Variants in ALK observed in about 807,000 individuals in gnomAD.
The protein encoded by ALK is ALK tyrosine kinase receptor.
A neutral mutation model predicts 163.1 loss-of-function variants in ALK; 74 were observed. That is an observed-to-expected ratio of 0.45 (90% confidence interval 0.38 to 0.55). ALK has a LOEUF of 0.55. Ranked by LOEUF, ALK falls within the 20% of genes least tolerant of loss-of-function variation. ALK has a pLI of 0.00. For synonymous variants in ALK, 960 were observed against 843.2 expected (o/e 1.14, Z -2.40); for missense variants, 2,063 against 2,105.3 (o/e 0.98, Z 0.39).
intron 4 of ALK, among the ~76,000 whole-genome samples, chr2:29,530,279 T>G (rs1270599411): frequency 6.6e-6 from 1 of 152,210 alleles, no homozygotes; most frequent in Non-Finnish European, 1.5e-5. Flanking sequence ...AAAAACTATT[T>G]GCAAGGCCCT....
intron 9 of ALK, among the ~76,000 whole-genome samples, chr2:29,291,150 G>C (rs1226149108): frequency 6.6e-6 from 1 of 152,088 alleles, no homozygotes; most frequent in Admixed American, 6.5e-5. Flanking sequence ...ATCACTTGAG[G>C]CCAGGAGTTC....
rs553205744 is a variant in ALK, at chr2:29,555,076, T to G, written c.953-22960A>C. ...GCAGCCCTCAGGGCTGCTCTGTCTA[T>G]GGAGTAACCATTCTTTTATTCTTCT... On this transcript the variant is annotated intron_variant, in intron 3 of 28. Transcript: ENST00000389048. Among the ~76,000 whole-genome samples, 955 of 152,312 alleles carry G rather than the reference T, an allele frequency of 6.3e-3. 9 individuals carry two copies. The highest frequency in any genetic ancestry group is 0.021 in the African/African-American group (861 of 41,568).
At chr2:29,237,723 G>T (rs1276198509) in intron 13 of ALK, among the ~76,000 whole-genome samples, 1 of 152,180 alleles carries the variant, frequency 6.6e-6, no homozygotes, top group East Asian at 1.9e-4. Flanking sequence ...TATTTGCCTT[G>T]CAGGGGATGG....
intron 3 of ALK, among the ~76,000 whole-genome samples, chr2:29,532,927 A>T (rs1455386370): frequency 6.6e-6 from 1 of 152,350 alleles, no homozygotes; most frequent in Non-Finnish European, 1.5e-5. Context: ...ATGAGTACTC[A>T]GTCTTCTTAA....
At chr2:29,354,933 A>AT (rs1183612382) in intron 5 of ALK, among the ~76,000 whole-genome samples, 3 of 151,848 alleles carry the variant, frequency 2.0e-5, no homozygotes, top group Admixed American at 2.0e-4. Context: ...CGCCTGGCTA[A>AT]TTTTTTGTAT....
At chr2:29,578,391 G>A (rs573266760) in intron 3 of ALK, among the ~76,000 whole-genome samples, 1 of 152,336 alleles carries the variant, frequency 6.6e-6, no homozygotes, top group African/African-American at 2.4e-5. Context: ...AGCTCAGGGA[G>A]AGGTTGCAGG....
intron 5 of ALK, among the ~76,000 whole-genome samples, chr2:29,341,683 G>A (rs1667796482): frequency 6.6e-6 from 1 of 152,204 alleles, no homozygotes; most frequent in African/African-American, 2.4e-5. Flanking sequence ...CTCCAACCTA[G>A]CAGTGTGCAG....
chr2:29,829,013 T>C (rs898137386), intron 1 of ALK, among the ~76,000 whole-genome samples: 6 of 151,552 alleles, frequency 4.0e-5, no homozygotes, highest in South Asian at 2.1e-4. Context: ...ATGTCCTTTG[T>C]AGGGGCATGG....
At chr2:29,914,206 C>T (rs1413835905) in intron 1 of ALK, among the ~76,000 whole-genome samples, 1 of 152,208 alleles carries the variant, frequency 6.6e-6, no homozygotes, top group Non-Finnish European at 1.5e-5. Flanking sequence ...TCCTCCTTTC[C>T]ATGCATATTT....
chr2:29,318,263 G>T, intron 8 of ALK, 41 bp downstream of exon 8: 2 of 1,508,718 alleles, frequency 1.3e-6, no homozygotes, highest in Non-Finnish European at 1.8e-6. Flanking sequence ...GACAAGAGGT[G>T]GGAGGAGAAA....
At chr2:29,436,621 G>GT (rs1202682370) in intron 4 of ALK, among the ~76,000 whole-genome samples, 4 of 152,152 alleles carry the variant, frequency 2.6e-5, no homozygotes, top group Admixed American at 2.0e-4. Context: ...ACAGAGGCCA[G>GT]TTTTTTTGCT....
chr2:29,392,890 T>G (rs965788136), intron 4 of ALK, among the ~76,000 whole-genome samples: 2 of 152,172 alleles, frequency 1.3e-5, no homozygotes, highest in Non-Finnish European at 2.9e-5. Flanking sequence ...GGTTACTGAG[T>G]GTTAAAGGTC....
At chr2:29,501,958 A>G (rs1305272866) in intron 4 of ALK, among the ~76,000 whole-genome samples, 1 of 152,194 alleles carries the variant, frequency 6.6e-6, no homozygotes, top group Non-Finnish European at 1.5e-5. Flanking sequence ...TCTGGTTAGC[A>G]TAATGTCTTC....
chr2:29,781,470 A>C (rs1681329824), intron 1 of ALK, among the ~76,000 whole-genome samples: 2 of 152,268 alleles, frequency 1.3e-5, no homozygotes, highest in Admixed American at 1.3e-4. Context: ...CAGGAAGGAG[A>C]GAGAACATGC....
At chr2:29,558,958 G>T (rs1673938609) in intron 3 of ALK, among the ~76,000 whole-genome samples, 1 of 152,026 alleles carries the variant, frequency 6.6e-6, no homozygotes, top group Admixed American at 6.6e-5. Context: ...AATTTAAGAG[G>T]GTAGACTATA....
chr2:29,728,973 GC>G (rs1679656354), intron 1 of ALK, among the ~76,000 whole-genome samples: 1 of 152,138 alleles, frequency 6.6e-6, no homozygotes, highest in Non-Finnish European at 1.5e-5. Flanking sequence ...AACCTAGAAG[GC>G]CATCTAAAAC....
In ALK at chr2:29,442,283, G is replaced by A. The variant is rs202004452; in HGVS notation, c.1155-58424C>T. 7.6e-5 allele frequency among the ~76,000 whole-genome samples: 11 copies of A among 145,154 alleles called. No homozygotes were observed. In the East Asian group the frequency reaches 2.0e-3, roughly 27 times the overall value. ...ACACAAATTGCCCATCAACTCTATTGTTACTTTCTTTCCTCTGATAAATTA... is the reference window on the plus strand; with the variant it reads ...ACACAAATTGCCCATCAACTCTATTATTACTTTCTTTCCTCTGATAAATTA... On this transcript the variant is annotated intron_variant, in intron 4 of 28. Transcript: ENST00000389048.
chr2:29,751,489 A>T (rs1228564395), intron 1 of ALK, among the ~76,000 whole-genome samples: 2 of 151,898 alleles, frequency 1.3e-5, no homozygotes, highest in Non-Finnish European at 2.9e-5. Flanking sequence ...GGTCTCGGGG[A>T]TGGGAAAGGC....
intron 1 of ALK, among the ~76,000 whole-genome samples, chr2:29,818,333 T>C (rs1664953485): frequency 6.6e-6 from 1 of 152,246 alleles, no homozygotes; most frequent in East Asian, 1.9e-4. Flanking sequence ...GGCCTATTTT[T>C]AGATTTCTTC....
Sources: allele counts gnomAD v4.1 joint callset (sites outside exome capture counted in the v4.1 genomes callset), GRCh38; gene constraint gnomAD v4.1.1; transcripts MANE v1.5; gene names NCBI Gene and HGNC (gene_info 2026-07-23, HGNC 2026-07-21).